FBXO45: variants seen among roughly 807,000 people sequenced by gnomAD.
The protein encoded by FBXO45 is F-box/SPRY domain-containing protein 1.
A neutral mutation model predicts 25.5 loss-of-function variants in FBXO45; 3 were observed. The observed-to-expected ratio is 0.12, with a 90% CI of 0.05 to 0.30. The LOEUF (loss-of-function observed/expected upper bound fraction) is 0.30. Ranked by LOEUF, FBXO45 falls within the 10% of genes least tolerant of loss-of-function variation. The probability of loss-of-function intolerance (pLI) is 1.00; values close to 1 mark genes in which losing one functional copy is unlikely to be tolerated. For synonymous variants in FBXO45, 155 were observed against 149.8 expected (o/e 1.03, Z -0.25); for missense variants, 219 against 365.0 (o/e 0.60, Z 3.26).
At chr3:196,571,438 C>T (rs1375210172) in intron 1 of FBXO45, among the ~76,000 whole-genome samples, 1 of 151,880 alleles carries the variant, frequency 6.6e-6, no homozygotes, top group Non-Finnish European at 1.5e-5. Context: ...GTTGCCTAAG[C>T]TGGTCTCAAA....
At chr3:196,575,559 T>C (rs1735898585) in intron 1 of FBXO45, among the ~76,000 whole-genome samples, 1 of 152,042 alleles carries the variant, frequency 6.6e-6, no homozygotes, top group Non-Finnish European at 1.5e-5. Context: ...TAGGGAAATA[T>C]TAATTAAATA....
intron 1 of FBXO45, among the ~76,000 whole-genome samples, chr3:196,573,103 T>A (rs571219072): frequency 6.6e-5 from 10 of 152,188 alleles, no homozygotes; most frequent in Non-Finnish European, 1.3e-4. Context: ...TATTATTATT[T>A]TTTTTTGTAG....
rs559133176 is a variant in FBXO45 at position 196,570,804 on chromosome 3, C to T, written c.318+1502C>T. On this transcript the variant is annotated intron_variant, in intron 1 of 2. Transcript: ENST00000311630. ...TCAGCTCACTGCAACCTCCGCCTCC[C>T]GGGTTCACGCCATTCTCCTGCCTCA... 8.6e-3 allele frequency among the ~76,000 whole-genome samples: 1,289 copies of T among 150,652 alleles called. 13 individuals are homozygous for T. Among genetic ancestry groups the T allele is most frequent in the Non-Finnish European group, 0.015 (1,024 of 67,672 alleles).
intron 2 of FBXO45, among the ~76,000 whole-genome samples, chr3:196,583,790 C>G (rs553145674): frequency 9.5e-4 from 144 of 152,034 alleles, no homozygotes; most frequent in African/African-American, 3.3e-3. Flanking sequence ...GGCAGTGGTG[C>G]GATACCAGCT....
At chr3:196,578,337 A>C (rs1160113224) in intron 2 of FBXO45, among the ~76,000 whole-genome samples, 1 of 152,134 alleles carries the variant, frequency 6.6e-6, no homozygotes, top group Non-Finnish European at 1.5e-5. Context: ...GCCCAGCCTC[A>C]AGGAGATTTT....
rs181183876 is a variant in FBXO45 at position 196,574,501 on chromosome 3, A to G, written c.319-2952A>G. 3.1e-3 allele frequency among the ~76,000 whole-genome samples: 479 copies of G among 152,244 alleles called. 1 individual carries two copies. The highest frequency in any genetic ancestry group is 6.9e-3 in the Admixed American group (105 of 15,288). ...ATTTTAGTCTACATATTCACTCACC[A>G]TCTCCCCAACCTCCCACCTTATTTG... On this transcript the variant is annotated intron_variant, in intron 1 of 2. Transcript: ENST00000311630.
Position 196,569,391 on chromosome 3 carries a change from G to C in FBXO45, c.318+89G>C. On this transcript the variant is annotated intron_variant, in intron 1 of 2. Coordinates refer to ENST00000311630, the MANE Select transcript of FBXO45 (RefSeq NM_001105573.2). This position sits in a 1 kb window ranked among gnomAD's most constrained non-coding sequence, Gnocchi z 4.1. ...TCTCATCCGAGCTTCTGAGTCAGAA[G>C]CTTCGCCTCACCAGCCCGCCTTTCC... The C allele has an allele frequency of 7.5e-7, 1 of 1,330,096 alleles. No homozygotes were observed. Among genetic ancestry groups the C allele is most frequent in the Non-Finnish European group, 1.0e-6 (1 of 991,620 alleles). 82.4% of individuals were successfully genotyped at this position (1,330,096 alleles called of 1,614,324 possible).
At position 196,573,719 on chromosome 3, in the gene FBXO45, A is replaced by G. The variant is rs550301021; in HGVS notation, c.319-3734A>G. ...TAGAACAGGAAAGTGGAGTTTATTA[A>G]TCTGTTCAGTTGTTTTTTTTTTAAG... On this transcript the variant is annotated intron_variant, in intron 1 of 2. Transcript: ENST00000311630. Among the ~76,000 whole-genome samples the G allele has an allele frequency of 8.1e-5, 12 of 147,470 alleles. No individual in the cohort carries two copies. In the South Asian group the frequency reaches 2.6e-3, roughly 32 times the overall value.
At chr3:196,578,217 A>G (rs372101799) in intron 2 of FBXO45, among the ~76,000 whole-genome samples, 2 of 151,746 alleles carry the variant, frequency 1.3e-5, no homozygotes, top group East Asian at 1.9e-4. Flanking sequence ...TTGTATTTTT[A>G]GTAGAGACAG....
chr3:196,570,024 C>T (rs1312599924), intron 1 of FBXO45, among the ~76,000 whole-genome samples: 1 of 152,154 alleles, frequency 6.6e-6, no homozygotes, highest in Non-Finnish European at 1.5e-5. Context: ...TCGCTGCATC[C>T]TTCCTGCATA....
chr3:196,576,438 C>T (rs1460999104), intron 1 of FBXO45, among the ~76,000 whole-genome samples: 1 of 152,158 alleles, frequency 6.6e-6, no homozygotes. Flanking sequence ...ACCCCAGCTA[C>T]TCGGAAGACT....
chr3:196,582,488 G>GGGA (rs1736029535), intron 2 of FBXO45, among the ~76,000 whole-genome samples: 1 of 152,176 alleles, frequency 6.6e-6, no homozygotes, highest in Admixed American at 6.6e-5. Context: ...TACAGTGAAG[G>GGGA]AAAGTAAATG....
chr3:196,570,362 C>G (rs1359330845), intron 1 of FBXO45, among the ~76,000 whole-genome samples: 5 of 151,318 alleles, frequency 3.3e-5, no homozygotes, highest in African/African-American at 1.2e-4. Context: ...CTCAGCCTCC[C>G]GAGTAGCTGG....
chr3:196,583,847 G>T (rs1056981245), intron 2 of FBXO45, among the ~76,000 whole-genome samples: 2 of 152,116 alleles, frequency 1.3e-5, no homozygotes, highest in Non-Finnish European at 2.9e-5. Flanking sequence ...ATAGAGATGG[G>T]TTTTCACCAT....
chr3:196,570,540 C>A (rs917939755), intron 1 of FBXO45, among the ~76,000 whole-genome samples: 6 of 151,652 alleles, frequency 4.0e-5, no homozygotes, highest in African/African-American at 1.5e-4. Flanking sequence ...CGATAACACC[C>A]CCTTTTTAAT....
At chr3:196,577,018 A>G (rs992157462) in intron 1 of FBXO45, among the ~76,000 whole-genome samples, 1 of 152,230 alleles carries the variant, frequency 6.6e-6, no homozygotes, top group Non-Finnish European at 1.5e-5. Flanking sequence ...CCTTATACCC[A>G]TCACCAAGCT....
rs371712746 is a variant in FBXO45 at position 196,577,450 on chromosome 3, T to C, written c.319-3T>C. 3.2e-6 allele frequency: 5 copies of C among 1,552,242 alleles called. No homozygotes were observed. Among genetic ancestry groups the C allele is most frequent in the Non-Finnish European group, 3.5e-6 (4 of 1,138,696 alleles). ...TTATTTGGTCTGTTTTTCATCTTTTTAGATACGTGCTTTTCAACATGCCTT... is the reference window on the plus strand; with the variant it reads ...TTATTTGGTCTGTTTTTCATCTTTTCAGATACGTGCTTTTCAACATGCCTT... On this transcript the variant is annotated splice_polypyrimidine_tract_variant and splice_region_variant and intron_variant, in intron 1 of 2. Coordinates refer to ENST00000311630, the MANE Select transcript of FBXO45 (RefSeq NM_001105573.2).
At position 196,568,765 on chromosome 3, in the gene FBXO45, G is replaced by A. The variant is rs1474205978; in HGVS notation, c.-220G>A. 1 of 171,042 alleles carries A rather than the reference G, an allele frequency of 5.8e-6. No individual in the cohort carries two copies. Among genetic ancestry groups the A allele is most frequent in the South Asian group, 1.9e-4 (1 of 5,174 alleles). 10.6% of individuals were successfully genotyped at this position (171,042 alleles called of 1,614,324 possible). ...CGCCCGCGCTGAGCCGCGGAGGAGGGGCGGAGGACGCCCCTGCAGCCGGTG... is the reference window on the plus strand; with the variant it reads ...CGCCCGCGCTGAGCCGCGGAGGAGGAGCGGAGGACGCCCCTGCAGCCGGTG... On this transcript the variant is annotated 5_prime_UTR_variant, in exon 1 of 3. Transcript: ENST00000311630.
chr3:196,577,166 T>C (rs1475382661), intron 1 of FBXO45, among the ~76,000 whole-genome samples: 4 of 152,206 alleles, frequency 2.6e-5, no homozygotes, highest in Non-Finnish European at 1.5e-5. Context: ...CTGTAAGATA[T>C]AAGGATTTTT....
Sources: gnomAD v4.1 joint callset for allele counts (sites outside exome capture counted in the v4.1 genomes callset) on GRCh38, gnomAD v4.1.1 for gene constraint, Gnocchi (gnomAD v3.1) non-coding constraint, MANE v1.5 for transcripts, NCBI Gene and HGNC (gene_info 2026-07-23, HGNC 2026-07-21) for gene names.